The following LRBA variants were observed in gnomAD, a reference collection of about 807,000 sequenced individuals.
LRBA encodes the protein LPS responsive beige-like anchor protein, also known as lipopolysaccharide-responsive and beige-like anchor protein.
LRBA carries 176 observed loss-of-function variants against 330.0 expected under a neutral mutation model. The observed-to-expected ratio is 0.53, with a 90% CI of 0.47 to 0.60. LRBA has a LOEUF of 0.60. Among genes scored for constraint, LRBA ranks in the 20% least tolerant of loss-of-function variants. The pLI is 0.00. For synonymous variants in LRBA, 1,230 were observed against 1,193.0 expected (o/e 1.03, Z -0.64); for missense variants, 3,259 against 3,444.8 (o/e 0.95, Z 1.35).
chr4:150,878,522 CA>C (rs1244597753), intron 17 of LRBA, among the ~76,000 whole-genome samples: 1 of 149,594 alleles, frequency 6.7e-6, no homozygotes, highest in African/African-American at 2.5e-5. Flanking sequence ...AAACTGAGAC[CA>C]AAAAAAATCC....
At chr4:150,934,023 CAAA>C (rs1020009328) in intron 2 of LRBA, among the ~76,000 whole-genome samples, 1 of 115,678 alleles carries the variant, frequency 8.6e-6, no homozygotes, top group African/African-American at 3.3e-5. Context: ...GACCCTGTCT[CAAA>C]AAAAAAAAAG....
intron 36 of LRBA, among the ~76,000 whole-genome samples, chr4:150,685,666 C>T (rs898837761): frequency 4.0e-5 from 6 of 151,114 alleles, no homozygotes; most frequent in African/African-American, 1.5e-4. Context: ...AATTCCTGAG[C>T]TCTGGCAATC....
At chr4:150,452,208 T>A (rs1170524121) in intron 44 of LRBA, among the ~76,000 whole-genome samples, 1 of 152,112 alleles carries the variant, frequency 6.6e-6, no homozygotes, top group African/African-American at 2.4e-5. Flanking sequence ...GGATAATACA[T>A]CACAATCTGG....
intron 40 of LRBA, chr4:150,580,719 A>G (rs1472241588): frequency 6.6e-6 from 1 of 151,798 alleles, no homozygotes; most frequent in Non-Finnish European, 1.5e-5. Flanking sequence ...CAAGCAAATC[A>G]GAAACAATGT....
rs192996060 is a variant in LRBA, at chr4:150,575,594, T to C, written c.6330+12454A>G. ...TAATTTTAAACATAGACCCACAAAA[T>C]GTCTCATATGACCTGAAAGAAATAG... On this transcript the variant is annotated intron_variant, in intron 40 of 56. Transcript: ENST00000651943. Among the ~76,000 whole-genome samples, 11 of 152,008 alleles carry C rather than the reference T, an allele frequency of 7.2e-5. No homozygotes were observed. The East Asian group carries it at 1.9e-3, about 27-fold the overall frequency.
At chr4:150,473,349 G>C (rs1024506735) in intron 42 of LRBA, among the ~76,000 whole-genome samples, 1 of 152,152 alleles carries the variant, frequency 6.6e-6, no homozygotes, top group Non-Finnish European at 1.5e-5. Context: ...ACAACTCTGT[G>C]ATAGTTAATT....
Position 150,471,745 on chromosome 4 carries a change from AG to A in LRBA, c.6552-7del, listed in dbSNP as rs749223235. 7.7e-7 allele frequency: 1 copy of A among 1,297,638 alleles called. No homozygotes were observed. Among genetic ancestry groups the A allele is most frequent in the African/African-American group, 1.5e-5 (1 of 68,116 alleles). 80.4% of individuals were successfully genotyped at this position (1,297,638 alleles called of 1,614,324 possible). On this transcript the variant is annotated splice_region_variant and splice_polypyrimidine_tract_variant and intron_variant, in intron 42 of 56. Coordinates refer to ENST00000651943, the MANE Select transcript of LRBA (RefSeq NM_001364905.1). ...GACTAGCTAATGAAATACGTCTGCA[AG>A]AAAAAGAATTCAATGTGATATGATT...
intron 37 of LRBA, among the ~76,000 whole-genome samples, chr4:150,645,623 C>A (rs1779055674): frequency 6.6e-6 from 1 of 151,874 alleles, no homozygotes; most frequent in South Asian, 2.1e-4. Context: ...ACTAATTAAC[C>A]TATAATGTAA....
intron 41 of LRBA, among the ~76,000 whole-genome samples, chr4:150,490,461 G>C (rs1377027691): frequency 3.3e-5 from 5 of 151,760 alleles, no homozygotes; most frequent in Non-Finnish European, 7.4e-5. Flanking sequence ...GAAATACAGA[G>C]CAAACAGGAC....
intron 40 of LRBA, chr4:150,581,464 T>G (rs1406395950): frequency 3.2e-6 from 1 of 311,946 alleles, no homozygotes; most frequent in Admixed American, 4.0e-5. Context: ...CAGATTCCCC[T>G]TTCGCTTCCC....
At chr4:150,517,252 C>A (rs1044171229) in intron 40 of LRBA, among the ~76,000 whole-genome samples, 3 of 152,036 alleles carry the variant, frequency 2.0e-5, no homozygotes, top group African/African-American at 7.2e-5. Flanking sequence ...CCAGGCACAG[C>A]GGCTCACACT....
intron 38 of LRBA, among the ~76,000 whole-genome samples, chr4:150,595,373 A>G (rs2126488753): frequency 6.6e-6 from 1 of 152,102 alleles, no homozygotes; most frequent in South Asian, 2.1e-4. Context: ...GCATTATTGA[A>G]GTTATGAGAC....
chr4:150,828,122 C>T (rs1423444530), intron 30 of LRBA, 58 bp downstream of exon 30: 4 of 1,512,064 alleles, frequency 2.6e-6, no homozygotes, highest in Middle Eastern at 1.7e-4. Flanking sequence ...CCCTAACCCC[C>T]ATGTTGTTCA....
chr4:150,527,608 T>C lies in LRBA; in HGVS notation c.6331-36573A>G, dbSNP rs543483261. Among the ~76,000 whole-genome samples the C allele has an allele frequency of 2.0e-5, 3 of 152,286 alleles. No homozygotes were observed. In the South Asian group the frequency reaches 6.2e-4, roughly 32 times the overall value. On this transcript the variant is annotated intron_variant, in intron 40 of 56. Coordinates refer to ENST00000651943, the MANE Select transcript of LRBA (RefSeq NM_001364905.1). ...GGCTATGTATATTAGGCAAACAATCTGAGAGGTTGGAGCAGAAGAATGGAT... is the reference window on the plus strand; with the variant it reads ...GGCTATGTATATTAGGCAAACAATCCGAGAGGTTGGAGCAGAAGAATGGAT...
In LRBA at chr4:150,564,899, T is replaced by C. The variant is rs116115777; in HGVS notation, c.6330+23149A>G. ...GAAACAACAGATGCTGGCGAAGCTA[T>C]GGAGAAAAAAAGAATGCTTTTACAT... is the stretch of plus-strand genomic sequence containing the variant. On this transcript the variant is annotated intron_variant, in intron 40 of 56. Transcript: ENST00000651943. Among the ~76,000 whole-genome samples, 181 of 152,188 alleles carry C rather than the reference T, an allele frequency of 1.2e-3. 3 individuals carry two copies. The highest frequency in any genetic ancestry group is 4.3e-3 in the African/African-American group (177 of 41,540).
At chr4:150,698,226 A>T (rs1416503108) in intron 36 of LRBA, among the ~76,000 whole-genome samples, 1 of 152,162 alleles carries the variant, frequency 6.6e-6, no homozygotes, top group Non-Finnish European at 1.5e-5. Flanking sequence ...AAAGATTTTT[A>T]ATTAGCTTAG....
At chr4:150,520,171 T>C (rs889071849) in intron 40 of LRBA, among the ~76,000 whole-genome samples, 1 of 152,220 alleles carries the variant, frequency 6.6e-6, no homozygotes, top group Non-Finnish European at 1.5e-5. Flanking sequence ...TATAATTTTC[T>C]AGAAGTCTCT....
At chr4:150,873,554 C>T (rs1324412163) in intron 17 of LRBA, among the ~76,000 whole-genome samples, 3 of 151,742 alleles carry the variant, frequency 2.0e-5, no homozygotes, top group African/African-American at 4.8e-5. Context: ...CATGCCACTG[C>T]ACTCCAGCCT....
intron 44 of LRBA, among the ~76,000 whole-genome samples, chr4:150,448,248 G>A (rs1752852053): frequency 6.6e-6 from 1 of 152,128 alleles, no homozygotes; most frequent in South Asian, 2.1e-4. Flanking sequence ...ACAAAGTCGT[G>A]GCAATTTCGG....
Sources: gnomAD v4.1 joint callset for allele counts (sites outside exome capture counted in the v4.1 genomes callset) on GRCh38, gnomAD v4.1.1 for gene constraint, MANE v1.5 for transcripts, NCBI Gene and HGNC (gene_info 2026-07-23, HGNC 2026-07-21) for gene names.